The following GALNT10 variants were observed in gnomAD, a reference collection of about 807,000 sequenced individuals.
The protein encoded by GALNT10 is GalNAc transferase 10.
In GALNT10, 41 loss-of-function variants were observed where a neutral mutation model predicts 75.0. That is an observed-to-expected ratio of 0.55 (90% CI 0.43 to 0.71). The LOEUF is 0.71. Among genes scored for constraint, GALNT10 ranks in the 30% least tolerant of loss-of-function variants. The pLI, the probability that GALNT10 is intolerant of heterozygous loss-of-function variation, is 0.00. For synonymous variants in GALNT10, 302 were observed against 313.0 expected, an observed-to-expected ratio of 0.96 and a Z score of 0.37; for missense variants, 727 against 818.5, an observed-to-expected ratio of 0.89 and a Z score of 1.36.
chr5:154,415,850 T>G lies in GALNT10; in HGVS notation c.1571T>G (p.Phe524Cys). 6.2e-7 allele frequency: 1 copy of G among 1,614,104 alleles called. No homozygotes were observed. The highest frequency in any genetic ancestry group is 8.5e-7 in the Non-Finnish European group (1 of 1,180,008). The change falls in exon 11 of 12, where the codon TTT (phenylalanine) becomes TGT (cysteine). Residue 524 changes from phenylalanine to cysteine, a missense_variant. Phe to Cys is a radical substitution (Grantham distance 205). Transcript: ENST00000297107. Reference protein sequence around the residue: ...GDPQHTKKFCFDAISHTSPVT... With the variant: ...GDPQHTKKFCCDAISHTSPVT... ...CCCCAGCACACCAAGAAGTTCTGCT[T>G]TGATGCCATTTCCCACACCAGCCCT... is the stretch of plus-strand genomic sequence containing the variant.
intron 4 of GALNT10, among the ~76,000 whole-genome samples, chr5:154,364,615 A>C (rs1353016406): frequency 6.6e-6 from 1 of 152,194 alleles, no homozygotes; most frequent in African/African-American, 2.4e-5. Flanking sequence ...TTCCCCCAGG[A>C]GAATACTTTT....
chr5:154,304,823 G>A (rs79681204), intron 3 of GALNT10, among the ~76,000 whole-genome samples: 3,431 of 152,258 alleles, frequency 0.023, 70 homozygotes, highest in Non-Finnish European at 0.031. Flanking sequence ...CTCATAGTAC[G>A]TATGAAGTAT....
At chr5:154,415,750 T>C (rs764693706) in intron 10 of GALNT10, 33 bp from the exon 11 acceptor site, 1 of 1,583,924 alleles carries the variant, frequency 6.3e-7, no homozygotes, top group South Asian at 1.1e-5. Flanking sequence ...TCCTTGGCTT[T>C]GCTATCCCTA....
At chr5:154,275,804 A>G (rs111429409) in intron 1 of GALNT10, among the ~76,000 whole-genome samples, 1 of 152,170 alleles carries the variant, frequency 6.6e-6, no homozygotes. Context: ...TGGCACTTTT[A>G]TGATCTAGTC....
chr5:154,391,240 C>G (rs2113192947), intron 7 of GALNT10, among the ~76,000 whole-genome samples: 1 of 152,352 alleles, frequency 6.6e-6, no homozygotes, highest in Non-Finnish European at 1.5e-5. Flanking sequence ...CGAATTCCCT[C>G]TGATTCATCT....
intron 1 of GALNT10, among the ~76,000 whole-genome samples, chr5:154,224,086 T>C (rs1460347463): frequency 6.6e-6 from 1 of 152,192 alleles, no homozygotes; most frequent in Non-Finnish European, 1.5e-5. Flanking sequence ...CAAAAGTCCT[T>C]GAAATTTGGG....
chr5:154,396,962 A>G (rs966593100), intron 7 of GALNT10, among the ~76,000 whole-genome samples: 1 of 151,912 alleles, frequency 6.6e-6, no homozygotes, highest in African/African-American at 2.4e-5. Context: ...ACCTGTCTCT[A>G]CTAAAAATAC....
intron 2 of GALNT10, 115 bp from the exon 3 acceptor site, chr5:154,297,826 T>G (rs1208250285): frequency 1.1e-6 from 1 of 918,632 alleles, no homozygotes; most frequent in African/African-American, 1.7e-5. Context: ...CTATGCTCTA[T>G]ATCCAAATCA....
At chr5:154,201,890 C>T in intron 1 of GALNT10, among the ~76,000 whole-genome samples, 1 of 151,682 alleles carries the variant, frequency 6.6e-6, no homozygotes, top group South Asian at 2.1e-4. Flanking sequence ...GATCGCACCA[C>T]TGCACTCCAG....
chr5:154,299,010 A>G (rs558388601), intron 3 of GALNT10, among the ~76,000 whole-genome samples: 81 of 152,380 alleles, frequency 5.3e-4, no homozygotes, highest in Non-Finnish European at 9.1e-4. Flanking sequence ...TTGCTTCTAC[A>G]TGAAGGCAGT....
At chr5:154,393,066 A>AGAAACAC (rs1755937742) in intron 7 of GALNT10, 1 of 133,956 alleles carries the variant, frequency 7.5e-6, no homozygotes, top group African/African-American at 2.8e-5. Context: ...ACAAAAAAAA[A>AGAAACAC]AAAAAAAAAA....
chr5:154,260,430 T>C (rs1354216893), intron 1 of GALNT10, among the ~76,000 whole-genome samples: 1 of 152,202 alleles, frequency 6.6e-6, no homozygotes, highest in Non-Finnish European at 1.5e-5. Context: ...ATCTGCCCCG[T>C]GCCTGGCAAA....
At chr5:154,268,394 T>G (rs543410745) in intron 1 of GALNT10, among the ~76,000 whole-genome samples, 18 of 152,242 alleles carry the variant, frequency 1.2e-4, no homozygotes, top group African/African-American at 4.1e-4. Flanking sequence ...CCAAACAGCA[T>G]CCAAGCAACT....
intron 4 of GALNT10, among the ~76,000 whole-genome samples, chr5:154,363,238 G>C (rs182704169): frequency 6.6e-6 from 1 of 152,058 alleles, no homozygotes; most frequent in Non-Finnish European, 1.5e-5. Context: ...TGGTGGGTGT[G>C]ACTAGCACAG....
At chr5:154,192,255 T>A (rs1447648602) in intron 1 of GALNT10, among the ~76,000 whole-genome samples, 1 of 152,222 alleles carries the variant, frequency 6.6e-6, no homozygotes, top group African/African-American at 2.4e-5. Context: ...GCTGACCAAT[T>A]TGAGCTCCGC....
At chr5:154,210,768 A>T (rs1392481455) in intron 1 of GALNT10, among the ~76,000 whole-genome samples, 3 of 152,244 alleles carry the variant, frequency 2.0e-5, no homozygotes, top group African/African-American at 7.2e-5. Flanking sequence ...CATAAAGGAC[A>T]TTATTGGAAC....
intron 1 of GALNT10, among the ~76,000 whole-genome samples, chr5:154,272,611 C>T (rs1427900382): frequency 6.6e-6 from 1 of 152,208 alleles, no homozygotes; most frequent in Admixed American, 6.5e-5. Context: ...GAGCAAATCC[C>T]TCCTGAACCT....
chr5:154,266,782 T>C (rs1753780841), intron 1 of GALNT10, among the ~76,000 whole-genome samples: 1 of 152,126 alleles, frequency 6.6e-6, no homozygotes, highest in South Asian at 2.1e-4. Flanking sequence ...CACAAGAGAC[T>C]GAGGTGGAAG....
At chr5:154,414,161 T>C (rs1367625093) in intron 10 of GALNT10, among the ~76,000 whole-genome samples, 1 of 152,194 alleles carries the variant, frequency 6.6e-6, no homozygotes, top group Non-Finnish European at 1.5e-5. Flanking sequence ...ACTGGACCTG[T>C]ATGCTGCTGG....
Sources: allele counts gnomAD v4.1 joint callset (sites outside exome capture counted in the v4.1 genomes callset), GRCh38; gene constraint gnomAD v4.1.1; transcripts MANE v1.5; gene names NCBI Gene and HGNC (gene_info 2026-07-23, HGNC 2026-07-21).